LRRC63: variants seen among roughly 807,000 people sequenced by gnomAD.
LRRC63 encodes leucine rich repeat containing 63.
A neutral mutation model predicts 49.5 loss-of-function variants in LRRC63; 40 were observed. The observed-to-expected ratio is 0.81, with a 90% CI of 0.63 to 1.05. The LOEUF (loss-of-function observed/expected upper bound fraction) is 1.05. LRRC63 is among the 50% of genes least tolerant of loss of function. The pLI is 0.00. For synonymous variants in LRRC63, 191 were observed against 221.1 expected (o/e 0.86, Z 1.21); for missense variants, 636 against 663.1 (o/e 0.96, Z 0.45).
At chr13:46,251,232 G>T (rs1316949764) in intron 7 of LRRC63, among the ~76,000 whole-genome samples, 1 of 151,718 alleles carries the variant, frequency 6.6e-6, no homozygotes, top group Non-Finnish European at 1.5e-5. Context: ...TTATAAAGAT[G>T]TTCATTCAGT....
At chr13:46,233,585 A>G (rs112395456) in intron 4 of LRRC63, among the ~76,000 whole-genome samples, 1,832 of 152,324 alleles carry the variant, frequency 0.012, 19 homozygotes, top group Middle Eastern at 0.027. Context: ...CATTTGGTGT[A>G]TACTTGCATA....
At chr13:46,215,367 T>C (rs1230446) in intron 2 of LRRC63, among the ~76,000 whole-genome samples, 73,456 of 152,048 alleles carry the variant, frequency 0.48, 19,347 homozygotes, top group African/African-American at 0.67. Context: ...TGATTAGTGA[T>C]GTTAAGCTTT....
intron 2 of LRRC63, among the ~76,000 whole-genome samples, chr13:46,227,146 T>C (rs1343646863): frequency 6.6e-6 from 1 of 152,218 alleles, no homozygotes; most frequent in Admixed American, 6.5e-5. Flanking sequence ...TGATGTATGA[T>C]AAATAGCAAA....
intron 2 of LRRC63, among the ~76,000 whole-genome samples, chr13:46,225,451 T>A (rs2046542777): frequency 6.6e-6 from 1 of 152,152 alleles, no homozygotes; most frequent in Admixed American, 6.5e-5. Flanking sequence ...TCTCTATGTG[T>A]GAGCCTGAGA....
intron 5 of LRRC63, among the ~76,000 whole-genome samples, chr13:46,242,499 TA>T (rs2082185858): frequency 6.6e-6 from 1 of 152,062 alleles, no homozygotes; most frequent in South Asian, 2.1e-4. Context: ...CTAGAAAACA[TA>T]TTTAAGGAAA....
intron 4 of LRRC63, among the ~76,000 whole-genome samples, chr13:46,229,100 A>G (rs938063169): frequency 6.6e-6 from 1 of 152,226 alleles, no homozygotes; most frequent in African/African-American, 2.4e-5. Context: ...TCTACAAACA[A>G]TCTCTCAAAT....
At chr13:46,219,394 G>A (rs370522485) in intron 2 of LRRC63, among the ~76,000 whole-genome samples, 3 of 152,052 alleles carry the variant, frequency 2.0e-5, no homozygotes, top group African/African-American at 7.2e-5. Context: ...GATCGATTTG[G>A]CTTTTGATAC....
Position 46,241,807 on chromosome 13 carries a change from GA to G in LRRC63, c.991-4711del, listed in dbSNP as rs746309378. Among the ~76,000 whole-genome samples, 8 of 147,200 alleles carry G rather than the reference GA, an allele frequency of 5.4e-5. No homozygotes were observed. In the South Asian group the frequency reaches 1.1e-3, roughly 20 times the overall value. Reference sequence around the variant, plus strand: ...CAGGCAGGATAGCAATTACTAAAAAGAAAAAAAAATAACAGATGCTGTTGAG... The same window carrying G: ...CAGGCAGGATAGCAATTACTAAAAAGAAAAAAAATAACAGATGCTGTTGAG... On this transcript the variant is annotated intron_variant, in intron 5 of 9. Coordinates refer to ENST00000595396, the Ensembl canonical transcript of LRRC63.
At chr13:46,274,896 A>G (rs1309901699) in intron 9 of LRRC63, among the ~76,000 whole-genome samples, 3 of 152,158 alleles carry the variant, frequency 2.0e-5, no homozygotes, top group Non-Finnish European at 2.9e-5. Context: ...ACAATAAATT[A>G]TTGTTAACTA....
chr13:46,244,447 C>G (rs1355712685), intron 5 of LRRC63, among the ~76,000 whole-genome samples: 1 of 152,108 alleles, frequency 6.6e-6, no homozygotes, highest in East Asian at 1.9e-4. Flanking sequence ...AACAAATCGT[C>G]TGTTCACAGT....
At position 46,266,716 on chromosome 13, in the gene LRRC63, G is replaced by A. The variant is rs759278016; in HGVS notation, c.1311-17G>A. ...ATTGTATAATACCTTTTAAAGTGTG[G>A]TTTCCTTTATTTACAGATCACTTGA... On this transcript the variant is annotated splice_polypyrimidine_tract_variant and intron_variant, in intron 8 of 9. Coordinates refer to ENST00000595396, the Ensembl canonical transcript of LRRC63. 2.6e-6 allele frequency: 4 copies of A among 1,516,162 alleles called. No individual in the cohort carries two copies. Among genetic ancestry groups the A allele is most frequent in the Middle Eastern group, 1.7e-4 (1 of 5,784 alleles). The allele number at this position is 1,516,162 out of a possible 1,614,324, so 93.9% of individuals were successfully genotyped here. A position where few individuals can be genotyped will look rare whatever the true frequency, so the allele number is the denominator to read the frequency against.
intron 2 of LRRC63, among the ~76,000 whole-genome samples, chr13:46,225,793 T>C (rs1481089736): frequency 2.0e-5 from 3 of 152,148 alleles, no homozygotes; most frequent in Non-Finnish European, 4.4e-5. Flanking sequence ...GTCAATTAGC[T>C]CTATCTCATT....
intron 7 of LRRC63, among the ~76,000 whole-genome samples, chr13:46,259,605 T>G (rs896611878): frequency 6.6e-6 from 1 of 152,196 alleles, no homozygotes; most frequent in African/African-American, 2.4e-5. Flanking sequence ...AGATCTGAAA[T>G]TGTACACATT....
At chr13:46,251,825 T>C (rs1406935686) in intron 7 of LRRC63, among the ~76,000 whole-genome samples, 3 of 151,890 alleles carry the variant, frequency 2.0e-5, no homozygotes, top group Non-Finnish European at 1.5e-5. Context: ...TTTTCAATAA[T>C]CATAACTACC....
chr13:46,257,985 T>C (rs1055630099), intron 7 of LRRC63, among the ~76,000 whole-genome samples: 6 of 152,174 alleles, frequency 3.9e-5, no homozygotes. Flanking sequence ...TGGAGTACTT[T>C]CACTGTTATC....
Position 46,276,854 on chromosome 13 carries a change from A to ATATATT in LRRC63, c.*56_*57insTTATAT, listed in dbSNP as rs1555330633. 2.7e-3 allele frequency: 323 copies of ATATATT among 118,814 alleles called. 2 individuals carry two copies. The highest frequency in any genetic ancestry group is 4.0e-3 in the African/African-American group (128 of 32,254). 7.4% of individuals were successfully genotyped at this position (118,814 alleles called of 1,614,324 possible). A position where few individuals can be genotyped will look rare whatever the true frequency, so the allele number is the denominator to read the frequency against. On this transcript the variant is annotated 3_prime_UTR_variant, in exon 10 of 10. Coordinates refer to ENST00000595396, the Ensembl canonical transcript of LRRC63. ...TATATATATATATATATATATATTT[A>ATATATT]TATATATATATATTTATATATATAT...
At chr13:46,269,190 C>A (rs1157083407) in intron 9 of LRRC63, among the ~76,000 whole-genome samples, 1 of 149,814 alleles carries the variant, frequency 6.7e-6, no homozygotes, top group East Asian at 2.0e-4. Context: ...AGGAGAAGAT[C>A]CAAAATAGTC....
chr13:46,276,405 T>C (rs1190033114), intron 9 of LRRC63, among the ~76,000 whole-genome samples, 185 bp from the exon 10 acceptor site: 2 of 152,188 alleles, frequency 1.3e-5, no homozygotes, highest in Admixed American at 6.5e-5. Context: ...GATTGTATTA[T>C]ACATATACCT....
In LRRC63 at chr13:46,241,200, C is replaced by G. The variant is rs1405635905; in HGVS notation, c.991-5327C>G. Reference sequence around the variant, plus strand: ...TACAACTATCTGATCTTTGACAAAGCTGACAAAAACAAGCAATGGGGAAAG... The same window carrying G: ...TACAACTATCTGATCTTTGACAAAGGTGACAAAAACAAGCAATGGGGAAAG... On this transcript the variant is annotated intron_variant, in intron 5 of 9. Transcript: ENST00000595396. Among the ~76,000 whole-genome samples the G allele has an allele frequency of 3.3e-5, 5 of 152,228 alleles. No individual in the cohort carries two copies. In the East Asian group the frequency reaches 9.6e-4, roughly 29 times the overall value.
Sources: allele counts gnomAD v4.1 joint callset (sites outside exome capture counted in the v4.1 genomes callset), GRCh38; gene constraint gnomAD v4.1.1; transcripts MANE v1.5; gene names NCBI Gene and HGNC (gene_info 2026-07-23, HGNC 2026-07-21).